The following OPA3 variants were observed in gnomAD, a reference collection of about 807,000 sequenced individuals.
The protein encoded by OPA3 is outer mitochondrial membrane lipid metabolism regulator OPA3, also known as optic atrophy 3 protein.
OPA3 carries 6 observed loss-of-function variants against 4.0 expected under a neutral mutation model. That is an observed-to-expected ratio of 1.51 (90% CI 0.83 to 2.99). The LOEUF is 2.99. Among genes scored for constraint, OPA3 ranks in the 30% most tolerant of loss-of-function variants. The pLI, the probability that OPA3 is intolerant of heterozygous loss-of-function variation, is 0.00. For synonymous variants in OPA3, 105 were observed against 117.1 expected, an observed-to-expected ratio of 0.90 and a Z score of 0.67; for missense variants, 235 against 256.2, an observed-to-expected ratio of 0.92 and a Z score of 0.56.
At position 45,552,032 on chromosome 19, in the gene OPA3, A is replaced by G; in HGVS notation, c.*1482T>C. On this transcript the variant is annotated 3_prime_UTR_variant, in exon 2 of 2. Coordinates refer to ENST00000263275, the MANE Select transcript of OPA3 (RefSeq NM_025136.4). ...AGGACAGGCTGGATTAGCCCTAGTT[A>G]GGATCAAATTTCCCACCACGGAAAG... 1 of 985,560 alleles carries G rather than the reference A, an allele frequency of 1.0e-6. No individual in the cohort carries two copies. 61.1% of individuals were successfully genotyped at this position (985,560 alleles called of 1,614,324 possible). A position where few individuals can be genotyped will look rare whatever the true frequency, so the allele number is the denominator to read the frequency against.
chr19:45,547,507 G>C lies in OPA3; in HGVS notation c.*6007C>G, dbSNP rs777789100. 4 of 152,342 alleles carry C rather than the reference G, an allele frequency of 2.6e-5. No homozygotes were observed. Among genetic ancestry groups the C allele is most frequent in the African/African-American group, 4.8e-5 (2 of 41,432 alleles). 9.4% of individuals were successfully genotyped at this position (152,342 alleles called of 1,614,324 possible). Reference sequence around the variant, plus strand: ...ATTCTGACAGCCAGAAACTCTTGCTGTTCCAGGAACAGGCCAAGGCCACAT... The same window carrying C: ...ATTCTGACAGCCAGAAACTCTTGCTCTTCCAGGAACAGGCCAAGGCCACAT... On this transcript the variant is annotated 3_prime_UTR_variant, in exon 2 of 2. Transcript: ENST00000263275.
chr19:45,579,962 A>C (rs59183157), intron 1 of OPA3, among the ~76,000 whole-genome samples: 2,155 of 150,604 alleles, frequency 0.014, 50 homozygotes, highest in African/African-American at 0.05. Context: ...AACCTATGTC[A>C]GTCTGACTCC....
downstream of OPA3, among the ~76,000 whole-genome samples, chr19:45,543,565 C>T (rs1969211944): frequency 6.6e-6 from 1 of 152,180 alleles, no homozygotes; most frequent in Admixed American, 6.5e-5. Flanking sequence ...GATCTGCCCA[C>T]CTTGGCCTCC....
intron 1 of OPA3, chr19:45,529,605 G>T: frequency 2.2e-6 from 2 of 922,184 alleles, no homozygotes; most frequent in East Asian, 2.5e-5. Flanking sequence ...ACGAAGACAA[G>T]TGCAGGCCTC....
intron 1 of OPA3, among the ~76,000 whole-genome samples, chr19:45,539,213 C>T (rs1969155096): frequency 1.3e-5 from 2 of 152,138 alleles, no homozygotes. Flanking sequence ...CAAACTATAT[C>T]AGTTGTAGGG....
chr19:45,542,660 TTTTTG>T (rs377433758), downstream of OPA3, among the ~76,000 whole-genome samples: 83 of 119,740 alleles, frequency 6.9e-4, 1 homozygote, highest in Middle Eastern at 4.5e-3. Context: ...CTTCACTGTT[TTTTTG>T]TTTTTTTTTT....
At chr19:45,559,635 TCA>T (rs1366529583) in intron 1 of OPA3, among the ~76,000 whole-genome samples, 1 of 151,856 alleles carries the variant, frequency 6.6e-6, no homozygotes, top group African/African-American at 2.4e-5. Flanking sequence ...ACTCCTGACC[TCA>T]CGTGATCCAC....
chr19:45,537,262 C>T (rs1237906084), intron 1 of OPA3, among the ~76,000 whole-genome samples: 1 of 151,480 alleles, frequency 6.6e-6, no homozygotes, highest in African/African-American at 2.4e-5. Context: ...AACCTCAGCT[C>T]ACTGCAACCT....
intron 1 of OPA3, among the ~76,000 whole-genome samples, chr19:45,557,898 C>A (rs1969444589): frequency 6.6e-6 from 1 of 152,184 alleles, no homozygotes; most frequent in African/African-American, 2.4e-5. Flanking sequence ...AGTGCCAGGC[C>A]AGGCACACGC....
At position 45,552,055 on chromosome 19, in the gene OPA3, A is replaced by C. The variant is rs1345935088; in HGVS notation, c.*1459T>G. On this transcript the variant is annotated 3_prime_UTR_variant, in exon 2 of 2. Transcript: ENST00000263275. ...TTAGGATCAAATTTCCCACCACGGA[A>C]AGGGGGGTTGGAGGACATTCACAGA... 1.5e-5 allele frequency: 15 copies of C among 985,448 alleles called. No homozygotes were observed. Among genetic ancestry groups the C allele is most frequent in the Non-Finnish European group, 1.7e-5 (14 of 830,016 alleles). 61.0% of individuals were successfully genotyped at this position (985,448 alleles called of 1,614,324 possible). A position where few individuals can be genotyped will look rare whatever the true frequency, so the allele number is the denominator to read the frequency against.
rs375276027 is a variant in OPA3 at position 45,549,273 on chromosome 19, G to A, written c.*4241C>T. On this transcript the variant is annotated 3_prime_UTR_variant, in exon 2 of 2. Coordinates refer to ENST00000263275, the MANE Select transcript of OPA3 (RefSeq NM_025136.4). Reference sequence around the variant, plus strand: ...CTGGCCTCTTGCATTTTGAGAGGACGTTCTTTCCACTTCCACACACTCTGG... The same window carrying A: ...CTGGCCTCTTGCATTTTGAGAGGACATTCTTTCCACTTCCACACACTCTGG... 2.3e-5 allele frequency: 23 copies of A among 985,386 alleles called. No homozygotes were observed. Among genetic ancestry groups the A allele is most frequent in the Non-Finnish European group, 2.8e-5 (23 of 829,938 alleles). 61.0% of individuals were successfully genotyped at this position (985,386 alleles called of 1,614,324 possible). A position where few individuals can be genotyped will look rare whatever the true frequency, so the allele number is the denominator to read the frequency against.
chr19:45,552,837 G>A lies in OPA3; in HGVS notation c.*677C>T, dbSNP rs560749495. The A allele has an allele frequency of 1.1e-3, 241 of 225,122 alleles. No homozygotes were observed. Among genetic ancestry groups the A allele is most frequent in the Middle Eastern group, 4.1e-3 (2 of 488 alleles). 13.9% of individuals were successfully genotyped at this position (225,122 alleles called of 1,614,324 possible). Reference sequence around the variant, plus strand: ...ATTACAAGCGCACCCCACCACACCCGGCTAATTTTTGTATTTTTAGTAGAG... The same window carrying A: ...ATTACAAGCGCACCCCACCACACCCAGCTAATTTTTGTATTTTTAGTAGAG... On this transcript the variant is annotated 3_prime_UTR_variant, in exon 2 of 2. Transcript: ENST00000263275.
chr19:45,541,666 G>A (rs150242431), downstream of OPA3, among the ~76,000 whole-genome samples: 3,082 of 152,198 alleles, frequency 0.02, 58 homozygotes, highest in African/African-American at 0.047. Context: ...CTGGGCTCAA[G>A]CAAACCTCCT....
intron 1 of OPA3, among the ~76,000 whole-genome samples, chr19:45,572,460 T>G (rs1266813752): frequency 1.5e-5 from 2 of 133,430 alleles, no homozygotes; most frequent in Admixed American, 1.7e-4. Flanking sequence ...ATGATATATA[T>G]CATATATCAT....
intron 1 of OPA3, among the ~76,000 whole-genome samples, chr19:45,560,850 G>C (rs775225680): frequency 2.0e-5 from 3 of 152,122 alleles, no homozygotes; most frequent in Admixed American, 6.6e-5. Flanking sequence ...AGATTTCCCC[G>C]GGAAAGGAGG....
intron 1 of OPA3, chr19:45,584,406 C>T: frequency 1.0e-6 from 1 of 985,400 alleles, no homozygotes; most frequent in Non-Finnish European, 1.2e-6. Flanking sequence ...GCATTTCCTA[C>T]TCGCGTGGTG....
At position 45,570,609 on chromosome 19, in the gene OPA3, C is replaced by A. The variant is rs780293712; in HGVS notation, c.142+14014G>T. Among the ~76,000 whole-genome samples the A allele has an allele frequency of 2.6e-5, 4 of 152,102 alleles. No homozygotes were observed. In the East Asian group the frequency reaches 7.7e-4, roughly 29 times the overall value. On this transcript the variant is annotated intron_variant, in intron 1 of 1. Transcript: ENST00000263275. ...GGCTGAGGCAGGAGAATTGCTTGAA[C>A]CTGGGAGGTGGAGGCTGCAGCGAGC...
In OPA3 at chr19:45,550,236, G is replaced by C; in HGVS notation, c.*3278C>G. Reference sequence around the variant, plus strand: ...TGTTTCTTGGCTTTCTATCTGGGCAGATCTTGGTCCAGGCCAGTTTTACCT... The same window carrying C: ...TGTTTCTTGGCTTTCTATCTGGGCACATCTTGGTCCAGGCCAGTTTTACCT... On this transcript the variant is annotated 3_prime_UTR_variant, in exon 2 of 2. Coordinates refer to ENST00000263275, the MANE Select transcript of OPA3 (RefSeq NM_025136.4). 2 of 985,460 alleles carry C rather than the reference G, an allele frequency of 2.0e-6. No individual in the cohort carries two copies. The highest frequency in any genetic ancestry group is 2.4e-6 in the Non-Finnish European group (2 of 829,948). The allele number at this position is 985,460 out of a possible 1,614,324, so 61.0% of individuals were successfully genotyped here. A position where few individuals can be genotyped will look rare whatever the true frequency, so the allele number is the denominator to read the frequency against.
chr19:45,579,223 C>G (rs960871782), intron 1 of OPA3, among the ~76,000 whole-genome samples: 1 of 152,066 alleles, frequency 6.6e-6, no homozygotes, highest in Non-Finnish European at 1.5e-5. Context: ...TATACTTCAT[C>G]TTTTAACTAT....
Sources: allele counts gnomAD v4.1 joint callset (sites outside exome capture counted in the v4.1 genomes callset), GRCh38; gene constraint gnomAD v4.1.1; transcripts MANE v1.5; gene names NCBI Gene and HGNC (gene_info 2026-07-23, HGNC 2026-07-21).